Variants in ROBO1 observed in about 807,000 individuals in gnomAD.
The protein encoded by ROBO1 is roundabout homolog 1.
In ROBO1, 149 loss-of-function variants were observed where a neutral mutation model predicts 195.9. The ratio of observed to expected loss-of-function variants is 0.76; its 90% CI spans 0.67 to 0.87. The LOEUF (loss-of-function observed/expected upper bound fraction) is 0.87. Ranked by LOEUF, ROBO1 falls within the 40% of genes least tolerant of loss-of-function variation. ROBO1 has a pLI of 0.00. For synonymous variants in ROBO1, 816 were observed against 733.2 expected (o/e 1.11, Z -1.82); for missense variants, 1,933 against 2,068.3 (o/e 0.93, Z 1.27).
At chr3:78,659,548 A>G (rs1559707477) in intron 17 of ROBO1, 138 bp downstream of exon 17, 1 of 606,612 alleles carries the variant, frequency 1.6e-6, no homozygotes, top group East Asian at 3.4e-5. Context: ...AAAGCGTTTT[A>G]AAAATAATTT....
At chr3:79,245,601 A>T (rs892784723) in intron 2 of ROBO1, among the ~76,000 whole-genome samples, 1 of 151,982 alleles carries the variant, frequency 6.6e-6, no homozygotes, top group African/African-American at 2.4e-5. Flanking sequence ...AAAAAAAAAT[A>T]AATCATGACT....
intron 2 of ROBO1, among the ~76,000 whole-genome samples, chr3:79,564,344 C>G (rs531872288): frequency 6.6e-6 from 1 of 152,004 alleles, no homozygotes; most frequent in Admixed American, 6.6e-5. Context: ...CTTCACTGCA[C>G]TGCATGATAC....
intron 3 of ROBO1, among the ~76,000 whole-genome samples, chr3:78,993,384 T>C (rs190425618): frequency 3.3e-5 from 5 of 152,274 alleles, no homozygotes; most frequent in Admixed American, 3.3e-4. Flanking sequence ...ATTTTCCCCC[T>C]CATAGTTGTA....
intron 1 of ROBO1, among the ~76,000 whole-genome samples, chr3:79,684,797 T>C (rs967144846): frequency 3.3e-5 from 5 of 152,010 alleles, no homozygotes; most frequent in African/African-American, 7.2e-5. Flanking sequence ...TGCCTCAGCC[T>C]CCTGAGTAGC....
intron 1 of ROBO1, among the ~76,000 whole-genome samples, chr3:79,715,300 A>T (rs1015352625): frequency 5.3e-5 from 8 of 152,122 alleles, no homozygotes; most frequent in African/African-American, 1.7e-4. Flanking sequence ...TGATGCAGAG[A>T]AATGTTTTTG....
chr3:79,202,383 A>C (rs973986252), intron 2 of ROBO1, among the ~76,000 whole-genome samples: 1 of 152,154 alleles, frequency 6.6e-6, no homozygotes, highest in Admixed American at 6.6e-5. Context: ...AACAGAATCT[A>C]CATGAATCTG....
intron 24 of ROBO1, among the ~76,000 whole-genome samples, chr3:78,633,258 G>A (rs1449472501): frequency 1.3e-5 from 2 of 152,194 alleles, no homozygotes; most frequent in Admixed American, 6.5e-5. Context: ...TTCTAATAAC[G>A]AACTGCCTTT....
intron 27 of ROBO1, among the ~76,000 whole-genome samples, chr3:78,616,164 A>G (rs1030033408): frequency 2.6e-5 from 4 of 152,142 alleles, no homozygotes; most frequent in Admixed American, 2.6e-4. Context: ...TTTCAATGTT[A>G]TTTCTATGTT....
chr3:79,062,619 C>T (rs2078939181), intron 3 of ROBO1, among the ~76,000 whole-genome samples: 1 of 152,100 alleles, frequency 6.6e-6, no homozygotes, highest in Admixed American at 6.6e-5. Flanking sequence ...CAATGATGGA[C>T]TGGATTAAGA....
Position 79,377,191 on chromosome 3 carries a change from A to G in ROBO1, c.88+212633T>C, listed in dbSNP as rs139099207. On this transcript the variant is annotated intron_variant, in intron 2 of 30. Coordinates refer to ENST00000464233, the MANE Select transcript of ROBO1 (RefSeq NM_002941.4). Reference sequence around the variant, plus strand: ...GACCCCCCTAATTTATTAAAAAAGAAAAAAAGACACACAATTCTTTCAAAT... The same window carrying G: ...GACCCCCCTAATTTATTAAAAAAGAGAAAAAGACACACAATTCTTTCAAAT... Among the ~76,000 whole-genome samples, 4 of 152,304 alleles carry G rather than the reference A, an allele frequency of 2.6e-5. No homozygotes were observed. In the East Asian group the frequency reaches 7.7e-4, roughly 29 times the overall value.
In ROBO1 at chr3:78,657,080, A is replaced by T. The variant is rs370391962; in HGVS notation, c.2614+18T>A. The T allele has an allele frequency of 5.7e-6, 9 of 1,587,108 alleles. No homozygotes were observed. The highest frequency in any genetic ancestry group is 1.8e-5 in the Admixed American group (1 of 56,884). On this transcript the variant is annotated intron_variant, in intron 18 of 30. Coordinates refer to ENST00000464233, the MANE Select transcript of ROBO1 (RefSeq NM_002941.4). ...GTAGAGTGAGAGATTGTCAAACTGG[A>T]TCTGCACTGACACTCACCCAGCTGG... is the stretch of plus-strand genomic sequence containing the variant.
At chr3:79,026,269 TTTA>T (rs1373814787) in intron 3 of ROBO1, among the ~76,000 whole-genome samples, 1 of 152,104 alleles carries the variant, frequency 6.6e-6, no homozygotes, top group African/African-American at 2.4e-5. Context: ...GTCAATTATT[TTTA>T]TTATCTCATT....
At chr3:78,890,134 G>C (rs902677791) in intron 4 of ROBO1, among the ~76,000 whole-genome samples, 2 of 152,034 alleles carry the variant, frequency 1.3e-5, no homozygotes, top group Non-Finnish European at 2.9e-5. Flanking sequence ...GATTTGTAAG[G>C]ACAGGAGTAT....
chr3:79,523,161 CCACACA>C (rs139825740), intron 2 of ROBO1, among the ~76,000 whole-genome samples: 25,808 of 146,234 alleles, frequency 0.18, 2,282 homozygotes, highest in East Asian at 0.33. Flanking sequence ...GCTTCATAAA[CCACACA>C]CACACACACA....
At chr3:79,422,351 T>A (rs186967939) in intron 2 of ROBO1, among the ~76,000 whole-genome samples, 107 of 152,104 alleles carry the variant, frequency 7.0e-4, no homozygotes, top group Non-Finnish European at 1.5e-5. Context: ...TGGCATCATC[T>A]TCTATGATTC....
At chr3:79,195,792 T>C (rs1249383636) in intron 2 of ROBO1, among the ~76,000 whole-genome samples, 6 of 151,392 alleles carry the variant, frequency 4.0e-5, no homozygotes, top group Non-Finnish European at 5.9e-5. Flanking sequence ...AGAAACACTA[T>C]ACTGCAAACT....
intron 1 of ROBO1, among the ~76,000 whole-genome samples, chr3:79,633,421 G>C (rs7429699): frequency 0.87 from 129,599 of 148,464 alleles, 56,656 homozygotes; most frequent in African/African-American, 0.9. Flanking sequence ...AAATCCTGGG[G>C]TCAAATGAGG....
At chr3:79,756,200 C>T (rs1576324097) in intron 1 of ROBO1, among the ~76,000 whole-genome samples, 1 of 152,200 alleles carries the variant, frequency 6.6e-6, no homozygotes, top group South Asian at 2.1e-4. Flanking sequence ...GTCTATTATT[C>T]TATGGTGCTA....
At chr3:79,107,127 T>TCTCTCACACACACA (rs1370578718) in intron 3 of ROBO1, among the ~76,000 whole-genome samples, 13 of 136,388 alleles carry the variant, frequency 9.5e-5, no homozygotes, top group African/African-American at 3.4e-4. Flanking sequence ...TCTCTCTCTC[T>TCTCTCACACACACA]CACACACACA....
Sources: gnomAD v4.1 joint callset for allele counts (sites outside exome capture counted in the v4.1 genomes callset) on GRCh38, gnomAD v4.1.1 for gene constraint, MANE v1.5 for transcripts, NCBI Gene and HGNC (gene_info 2026-07-23, HGNC 2026-07-21) for gene names.